Variants in OPCML observed in about 807,000 individuals in gnomAD.
The protein encoded by OPCML is opioid binding protein/cell adhesion molecule like, also known as opioid-binding protein/cell adhesion molecule.
OPCML carries 13 observed loss-of-function variants against 37.8 expected under a neutral mutation model. The ratio of observed to expected loss-of-function variants is 0.34; its 90% CI spans 0.22 to 0.55. The LOEUF is 0.55. Among genes scored for constraint, OPCML ranks in the 20% least tolerant of loss-of-function variants. The pLI, the probability that OPCML is intolerant of heterozygous loss-of-function variation, is 0.91. For synonymous variants in OPCML, 176 were observed against 168.8 expected, an observed-to-expected ratio of 1.04 and a Z score of -0.33; for missense variants, 341 against 435.6, an observed-to-expected ratio of 0.78 and a Z score of 1.93.
chr11:133,246,612 C>G (rs1841201484), intron 1 of OPCML, among the ~76,000 whole-genome samples: 1 of 152,130 alleles, frequency 6.6e-6, no homozygotes, highest in African/African-American at 2.4e-5. Flanking sequence ...AGGGAGAGGA[C>G]AGAGGGCAGA....
At chr11:133,048,518 C>A (rs1948065549) in intron 1 of OPCML, among the ~76,000 whole-genome samples, 2 of 152,324 alleles carry the variant, frequency 1.3e-5, no homozygotes, top group South Asian at 4.1e-4. Context: ...GGATAAAGAG[C>A]TGTTCTCAGT....
intron 2 of OPCML, among the ~76,000 whole-genome samples, chr11:132,725,180 C>T (rs967525476): frequency 3.3e-5 from 5 of 152,234 alleles, no homozygotes; most frequent in African/African-American, 1.2e-4. Context: ...CCCACCCCTG[C>T]AGCAAACTTC....
chr11:133,371,300 A>T (rs1206603465), intron 1 of OPCML, among the ~76,000 whole-genome samples: 1 of 152,218 alleles, frequency 6.6e-6, no homozygotes, highest in Non-Finnish European at 1.5e-5. Flanking sequence ...CAGCTGACCT[A>T]CTACTGGGTA....
rs56960236 is a variant in OPCML, at chr11:132,707,474, T to A, written c.147-50155A>T. The stretch of plus-strand genomic sequence containing the variant: ...TGGTCCAGGATCCTATGGAACATAT[T>A]TCAGTTATATGAGAATATAGCAAAT... On this transcript the variant is annotated intron_variant, in intron 2 of 7. Transcript: ENST00000524381. Among the ~76,000 whole-genome samples, 1,454 of 152,326 alleles carry A rather than the reference T, an allele frequency of 9.5e-3. 23 individuals are homozygous for A. The highest frequency in any genetic ancestry group is 0.033 in the African/African-American group (1,369 of 41,570).
At chr11:132,487,860 T>C (rs969394414) in intron 4 of OPCML, among the ~76,000 whole-genome samples, 2 of 152,250 alleles carry the variant, frequency 1.3e-5, no homozygotes, top group Non-Finnish European at 2.9e-5. Context: ...TGCTTTCTAA[T>C]ATGCATTTTA....
At chr11:132,439,559 T>C (rs2096025028) in intron 4 of OPCML, among the ~76,000 whole-genome samples, 1 of 152,178 alleles carries the variant, frequency 6.6e-6, no homozygotes, top group Non-Finnish European at 1.5e-5. Flanking sequence ...GCTAACAGAA[T>C]ATCATAGTGA....
intron 2 of OPCML, among the ~76,000 whole-genome samples, chr11:132,777,031 A>T (rs900246722): frequency 6.6e-6 from 1 of 152,178 alleles, no homozygotes; most frequent in Non-Finnish European, 1.5e-5. Context: ...AAGGCTTCCC[A>T]CACTACCCTT....
chr11:132,673,128 T>A (rs148055477), intron 2 of OPCML, among the ~76,000 whole-genome samples: 1 of 152,174 alleles, frequency 6.6e-6, no homozygotes, highest in Admixed American at 6.5e-5. Context: ...TTGCACAAGA[T>A]GCTTGCCCCA....
In OPCML at chr11:133,208,473, T is replaced by C. The variant is rs980885845; in HGVS notation, c.62-265463A>G. ...CATTAAATTTCTCTTGATCTCTCAA[T>C]TTTTGCATGAATAGATTTGGATAAT... On this transcript the variant is annotated intron_variant, in intron 1 of 7. Transcript: ENST00000524381. The surrounding 1 kb of genome is among the most constrained non-coding windows in gnomAD (Gnocchi z 8.9). 6.6e-6 allele frequency among the ~76,000 whole-genome samples: 1 copy of C among 152,180 alleles called. No individual in the cohort carries two copies. The highest frequency in any genetic ancestry group is 1.5e-5 in the Non-Finnish European group (1 of 68,036).
intron 2 of OPCML, among the ~76,000 whole-genome samples, chr11:132,938,058 C>A (rs553699108): frequency 4.6e-5 from 7 of 151,896 alleles, no homozygotes; most frequent in African/African-American, 1.4e-4. Context: ...CCTGAATATC[C>A]CAGGATCATA....
At chr11:133,526,101 C>T (rs1056856208) in intron 1 of OPCML, among the ~76,000 whole-genome samples, 5 of 152,276 alleles carry the variant, frequency 3.3e-5, no homozygotes, top group South Asian at 4.1e-4. Flanking sequence ...GGCGACAGGA[C>T]GTGATGGGAG....
intron 1 of OPCML, among the ~76,000 whole-genome samples, chr11:133,330,709 A>C (rs751296927): frequency 6.6e-6 from 1 of 151,878 alleles, no homozygotes; most frequent in Non-Finnish European, 1.5e-5. Flanking sequence ...GGGCGGAAGG[A>C]TAGCATAGGA....
chr11:132,762,003 C>A (rs573817544), intron 2 of OPCML, among the ~76,000 whole-genome samples: 1 of 152,228 alleles, frequency 6.6e-6, no homozygotes, highest in East Asian at 1.9e-4. Flanking sequence ...GCGTGGGTGT[C>A]TTTTTTGTTG....
intron 2 of OPCML, among the ~76,000 whole-genome samples, chr11:132,658,011 C>T (rs1267061888): frequency 1.3e-5 from 2 of 152,192 alleles, no homozygotes. Flanking sequence ...AAGCAGGGAA[C>T]TGTGCAACAC....
intron 1 of OPCML, among the ~76,000 whole-genome samples, chr11:133,282,167 G>T (rs997786351): frequency 6.6e-6 from 1 of 152,140 alleles, no homozygotes; most frequent in African/African-American, 2.4e-5. Context: ...TGACTAAAAG[G>T]GAGCCAAGGC....
intron 4 of OPCML, among the ~76,000 whole-genome samples, chr11:132,484,972 G>A (rs959494125): frequency 2.0e-5 from 3 of 152,184 alleles, no homozygotes; most frequent in African/African-American, 7.2e-5. Context: ...AATGCTAGAT[G>A]ACGAGTTAGT....
At chr11:133,438,954 C>G (rs368194640) in intron 1 of OPCML, among the ~76,000 whole-genome samples, 1 of 152,162 alleles carries the variant, frequency 6.6e-6, no homozygotes, top group African/African-American at 2.4e-5. Context: ...TCCATGCCCC[C>G]ACACACCACA....
intron 3 of OPCML, among the ~76,000 whole-genome samples, chr11:132,595,174 A>G (rs2096490522): frequency 1.3e-5 from 2 of 152,110 alleles, no homozygotes; most frequent in East Asian, 3.9e-4. Context: ...GAGCTGAGAA[A>G]AAGGTGGTAC....
intron 2 of OPCML, among the ~76,000 whole-genome samples, chr11:132,726,520 T>TA (rs71067388): frequency 6.6e-6 from 1 of 150,768 alleles, no homozygotes; most frequent in African/African-American, 2.5e-5. Context: ...TTTTTTTTTT[T>TA]AAAGAAAACC....
Sources: allele counts gnomAD v4.1 joint callset (sites outside exome capture counted in the v4.1 genomes callset), GRCh38; gene constraint gnomAD v4.1.1; non-coding constraint Gnocchi (gnomAD v3.1); transcripts MANE v1.5; gene names NCBI Gene and HGNC (gene_info 2026-07-23, HGNC 2026-07-21).